RPN2: variants seen among roughly 807,000 people sequenced by gnomAD.
The protein encoded by RPN2 is ribophorin II, also known as dolichyl-diphosphooligosaccharide--protein glycosyltransferase subunit 2.
RPN2 carries 29 observed loss-of-function variants against 71.4 expected under a neutral mutation model. The ratio of observed to expected loss-of-function variants is 0.41; its 90% CI spans 0.30 to 0.55. The LOEUF is 0.55. Among genes scored for constraint, RPN2 ranks in the 20% least tolerant of loss-of-function variants. RPN2 has a pLI of 0.35. For synonymous variants in RPN2, 308 were observed against 305.0 expected, an observed-to-expected ratio of 1.01 and a Z score of -0.10; for missense variants, 726 against 774.1, an observed-to-expected ratio of 0.94 and a Z score of 0.74.
At chr20:37,182,539 C>T (rs779533972) in intron 1 of RPN2, among the ~76,000 whole-genome samples, 4 of 152,038 alleles carry the variant, frequency 2.6e-5, no homozygotes, top group Non-Finnish European at 4.4e-5. Context: ...TACAGGCACA[C>T]GCCACCATGC....
At chr20:37,181,226 TA>T (rs1156816187) in intron 1 of RPN2, among the ~76,000 whole-genome samples, 2,651 of 136,802 alleles carry the variant, frequency 0.019, 47 homozygotes, top group African/African-American at 0.051. Context: ...AGACTCTGTC[TA>T]AAAAAAAAAA....
At chr20:37,208,377 A>C (rs1315103513) in intron 7 of RPN2, among the ~76,000 whole-genome samples, 2 of 151,968 alleles carry the variant, frequency 1.3e-5, no homozygotes, top group Non-Finnish European at 2.9e-5. Flanking sequence ...TGCACTTCCC[A>C]ATACCAAACT....
At chr20:37,189,218 A>G (rs2067082875) in intron 2 of RPN2, among the ~76,000 whole-genome samples, 1 of 152,088 alleles carries the variant, frequency 6.6e-6, no homozygotes, top group Non-Finnish European at 1.5e-5. Flanking sequence ...TATAGGTGTG[A>G]GCCACCCCTC....
At position 37,225,736 on chromosome 20, in the gene RPN2, C is replaced by T. The variant is rs2068060016; in HGVS notation, c.1233C>T (p.His411=). The change falls in exon 11 of 17, where the codon CAC becomes CAT. Residue 411 remains histidine (H), a synonymous_variant. Transcript: ENST00000237530. ...KAKGTFIADS[H]QNFALFFQLV... ...AGGGCACATTCATCGCAGACAGCCA[C>T]CAGAACTTCGCCTTGTTCTTCCAGC... 1 of 1,614,188 alleles carries T rather than the reference C, an allele frequency of 6.2e-7. No homozygotes were observed. The highest frequency in any genetic ancestry group is 8.5e-7 in the Non-Finnish European group (1 of 1,180,008).
chr20:37,179,911 C>A (rs141694361), intron 1 of RPN2, among the ~76,000 whole-genome samples: 1 of 152,172 alleles, frequency 6.6e-6, no homozygotes, highest in East Asian at 1.9e-4. Context: ...GTTACTTAAC[C>A]CCTCTACACC....
rs769342528 is a variant in RPN2 at position 37,203,928 on chromosome 20, G to C, written c.523G>C (p.Ala175Pro). Residue 175 changes from alanine to proline, a missense_variant, in exon 5 of 17, where the codon GCT (alanine) becomes CCT (proline). Transcript: ENST00000237530. ...GACAGCATCCCACCTGTCCCAGCAG[G>C]CTGACCTGAGGAGCATCGTGGAGGA... ...LQTASHLSQQADLRSIVEEIE... is the reference protein window; with the variant it reads ...LQTASHLSQQPDLRSIVEEIE... The C allele has an allele frequency of 1.2e-6, 2 of 1,614,062 alleles. No individual in the cohort carries two copies. The highest frequency in any genetic ancestry group is 2.2e-5 in the South Asian group (2 of 91,078).
At chr20:37,220,341 A>G (rs989829828) in intron 9 of RPN2, among the ~76,000 whole-genome samples, 1 of 152,176 alleles carries the variant, frequency 6.6e-6, no homozygotes, top group African/African-American at 2.4e-5. Context: ...AATGCTCGAC[A>G]TTGGTCAGAG....
intron 9 of RPN2, among the ~76,000 whole-genome samples, chr20:37,222,424 C>T (rs1323265597): frequency 6.6e-6 from 1 of 152,018 alleles, no homozygotes; most frequent in African/African-American, 2.4e-5. Flanking sequence ...AAAACAACAC[C>T]CCTATTCAAC....
intron 9 of RPN2, among the ~76,000 whole-genome samples, chr20:37,216,131 G>A (rs1332803543): frequency 1.3e-5 from 2 of 152,162 alleles, no homozygotes; most frequent in African/African-American, 4.8e-5. Flanking sequence ...CTGAGGTCAG[G>A]AGTTCAATAC....
intron 11 of RPN2, among the ~76,000 whole-genome samples, chr20:37,227,251 G>C (rs1438251754): frequency 6.6e-6 from 1 of 152,224 alleles, no homozygotes; most frequent in African/African-American, 2.4e-5. Flanking sequence ...AGGGAAGGAA[G>C]AGTACAAAGA....
intron 16 of RPN2, among the ~76,000 whole-genome samples, chr20:37,240,971 C>T (rs1209658572): frequency 6.6e-6 from 1 of 152,210 alleles, no homozygotes; most frequent in Non-Finnish European, 1.5e-5. Flanking sequence ...TTGAAATTTA[C>T]ACTGTGTTTT....
intron 9 of RPN2, among the ~76,000 whole-genome samples, chr20:37,217,819 C>T (rs187553716): frequency 1.1e-3 from 163 of 152,042 alleles, no homozygotes; most frequent in Non-Finnish European, 8.5e-4. Flanking sequence ...CCTCCGCCTC[C>T]ACCTCCCGGG....
intron 9 of RPN2, among the ~76,000 whole-genome samples, chr20:37,220,683 G>A (rs564802043): frequency 3.9e-5 from 6 of 152,204 alleles, no homozygotes; most frequent in Non-Finnish European, 7.3e-5. Context: ...TGCATTGTTA[G>A]TTGGAAGGAA....
rs114965633 is a variant in RPN2 at position 37,208,626 on chromosome 20, C to T, written c.867+1177C>T. ...TCCTTGATGGGATATCTTTTTGCCT[C>T]TTTATAGCACAGTCCTCCCTTTCAC... On this transcript the variant is annotated intron_variant, in intron 7 of 16. Coordinates refer to ENST00000237530, the MANE Select transcript of RPN2 (RefSeq NM_002951.5). Among the ~76,000 whole-genome samples the T allele has an allele frequency of 4.9e-3, 748 of 152,260 alleles. 8 individuals carry two copies. Among genetic ancestry groups the T allele is most frequent in the African/African-American group, 0.017 (710 of 41,554 alleles).
intron 13 of RPN2, among the ~76,000 whole-genome samples, 200 bp downstream of exon 13, chr20:37,230,259 A>G (rs1168802178): frequency 6.6e-6 from 1 of 152,230 alleles, no homozygotes; most frequent in African/African-American, 2.4e-5. Context: ...TAACCCCCAG[A>G]AAGCAGAGAG....
intron 9 of RPN2, among the ~76,000 whole-genome samples, chr20:37,223,501 C>CA (rs1207568235): frequency 2.6e-5 from 4 of 152,180 alleles, no homozygotes; most frequent in Non-Finnish European, 4.4e-5. Context: ...GGTAAGCACT[C>CA]AATAAATCCT....
At chr20:37,189,160 C>G (rs999757643) in intron 2 of RPN2, among the ~76,000 whole-genome samples, 2 of 152,128 alleles carry the variant, frequency 1.3e-5, no homozygotes, top group Admixed American at 6.6e-5. Context: ...GTCCTGAACT[C>G]TTGACCTCAG....
At chr20:37,225,981 G>T (rs571378040) in intron 11 of RPN2, among the ~76,000 whole-genome samples, 179 bp downstream of exon 11, 20 of 152,324 alleles carry the variant, frequency 1.3e-4, no homozygotes, top group Admixed American at 3.3e-4. Flanking sequence ...ACTGGTTGTA[G>T]TCCTTTACCT....
At chr20:37,185,131 G>A (rs1404482813) in intron 2 of RPN2, among the ~76,000 whole-genome samples, 4 of 149,558 alleles carry the variant, frequency 2.7e-5, no homozygotes, top group African/African-American at 5.0e-5. Context: ...ACCTTTCCTG[G>A]ATTCGGGACA....
Sources: gnomAD v4.1 joint callset for allele counts (sites outside exome capture counted in the v4.1 genomes callset) on GRCh38, gnomAD v4.1.1 for gene constraint, MANE v1.5 for transcripts, NCBI Gene and HGNC (gene_info 2026-07-23, HGNC 2026-07-21) for gene names.